Variants in IFNL2 observed in about 807,000 individuals in gnomAD.
IFNL2 encodes the protein interferon lambda 2.
IFNL2 carries 17 observed loss-of-function variants against 18.7 expected under a neutral mutation model. The observed-to-expected ratio is 0.91, with a 90% confidence interval of 0.62 to 1.36. IFNL2 has a LOEUF of 1.36. IFNL2 is among the 40% of genes most tolerant of loss of function. IFNL2 has a pLI of 0.00. For missense variants in IFNL2, 225 were observed against 257.3 expected (o/e 0.87, Z 0.86); for synonymous variants, 96 against 113.4 (o/e 0.85, Z 0.98).
rs577518793 is a variant in IFNL2, at chr19:39,269,815, A to C, written c.498A>C (p.Pro166=). The C allele has an allele frequency of 4.4e-6, 7 of 1,607,564 alleles. No homozygotes were observed. Among genetic ancestry groups the C allele is most frequent in the South Asian group, 3.3e-5 (3 of 89,770 alleles). The change falls in exon 5 of 6, where the codon CCA becomes CCC. Residue 166 remains proline, a synonymous_variant. Transcript: ENST00000331982. ...HHWLYRLQEA[P]KKESPGCLEA... is the part of the protein sequence containing the mutation. Reference sequence around the variant, plus strand: ...GGCTGTACCGGCTCCAGGAGGCCCCAAAAAAGGTGAGTGACCCGGGAAGAG... The same window carrying C: ...GGCTGTACCGGCTCCAGGAGGCCCCCAAAAAGGTGAGTGACCCGGGAAGAG...
Position 39,268,544 on chromosome 19 carries a change from T to C in IFNL2, c.-25T>C, listed in dbSNP as rs1204263738. ...GGTGACAGCCTCAGAGTGTTTCTTC[T>C]GCTGACAAAGACCAGAGATCAGGAA... On this transcript the variant is annotated 5_prime_UTR_variant, in exon 1 of 6. Transcript: ENST00000331982. 19 of 1,607,990 alleles carry C rather than the reference T, an allele frequency of 1.2e-5. No individual in the cohort carries two copies. The East Asian group carries it at 4.0e-4, about 34-fold the overall frequency.
At position 39,268,677 on chromosome 19, in the gene IFNL2, A is replaced by G. The variant is rs778693588; in HGVS notation, c.11A>G (p.Asp4Gly). 2 of 1,613,458 alleles carry G rather than the reference A, an allele frequency of 1.2e-6. No individual in the cohort carries two copies. Among genetic ancestry groups the G allele is most frequent in the South Asian group, 2.2e-5 (2 of 91,072 alleles). The change falls in exon 2 of 6, where the codon GAC (aspartate) becomes GGC (glycine). Residue 4 changes from aspartate (D) to glycine (G), a missense_variant and splice_region_variant. By Grantham distance (94) the Asp-to-Gly change is moderately conservative. Transcript: ENST00000331982. MKL[D>G]MTGDCTPVLV... ...AGCTCCCTTTCTCTCTGTGACACAG[A>G]CATGACTGGGGACTGCACGCCAGTG...
chr19:39,268,640 C>G (rs751910499), intron 1 of IFNL2, 37 bp from the exon 2 acceptor site: 22 of 1,613,786 alleles, frequency 1.4e-5, no homozygotes, highest in Non-Finnish European at 1.9e-5. Flanking sequence ...TGGGCAGCCT[C>G]TCCATCCCCT....
Position 39,268,447 on chromosome 19 carries a change from G to A in IFNL2, c.-122G>A. The A allele has an allele frequency of 2.3e-6, 2 of 875,760 alleles. No individual in the cohort carries two copies. Among genetic ancestry groups the A allele is most frequent in the South Asian group, 3.2e-5 (2 of 61,992 alleles). The allele number at this position is 875,760 out of a possible 1,614,324, so 54.2% of individuals were successfully genotyped here. On this transcript the variant is annotated 5_prime_UTR_variant, in exon 1 of 6. Transcript: ENST00000331982. ...AAACTGACAGAAAGAGTCAAAGCCA[G>A]GACACAGTCTGAGATCCAGAAGAGG...
rs759762461 is a variant in IFNL2, at chr19:39,269,169, G to A, written c.210G>A (p.Leu70=). The change falls in exon 3 of 6, where the codon CTG becomes CTA. Residue 70 remains leucine, a synonymous_variant. Coordinates refer to ENST00000331982, the MANE Select transcript of IFNL2 (RefSeq NM_172138.2). ...AKDALEESLL[L]KDCRCHSRLF... ...CTGTCTAGGAAGAGTCGCTTCTGCT[G>A]AAGGACTGCAGGTGCCACTCCCGCC... 1.6e-5 allele frequency: 26 copies of A among 1,611,552 alleles called. No homozygotes were observed. The highest frequency in any genetic ancestry group is 2.2e-5 in the Non-Finnish European group (26 of 1,179,008).
chr19:39,269,127 G>A (rs1206956929), intron 2 of IFNL2, 25 bp from the exon 3 acceptor site: 1 of 1,607,146 alleles, frequency 6.2e-7, no homozygotes, highest in Non-Finnish European at 8.5e-7. Context: ...TCCTGCTGGG[G>A]CTAACCTGTG....
At position 39,268,486 on chromosome 19, in the gene IFNL2, C is replaced by T; in HGVS notation, c.-83C>T. 1 of 1,270,844 alleles carries T rather than the reference C, an allele frequency of 7.9e-7. No homozygotes were observed. The highest frequency in any genetic ancestry group is 1.1e-6 in the Non-Finnish European group (1 of 893,840). The allele number at this position is 1,270,844 out of a possible 1,614,324, so 78.7% of individuals were successfully genotyped here. On this transcript the variant is annotated 5_prime_UTR_variant, in exon 1 of 6. Transcript: ENST00000331982. ...ATCCAGAAGAGGGGACTGAAAAGAACAGAGACTCCAGACAAGACCCAAACA... is the reference window on the plus strand; with the variant it reads ...ATCCAGAAGAGGGGACTGAAAAGAATAGAGACTCCAGACAAGACCCAAACA...
chr19:39,269,294 C>T (rs1013723361), intron 3 of IFNL2, 65 bp downstream of exon 3: 3 of 1,537,012 alleles, frequency 2.0e-6, no homozygotes, highest in African/African-American at 2.7e-5. Flanking sequence ...TGTAGTGGCC[C>T]CTTCACCGTC....
Position 39,268,671 on chromosome 19 carries a change from A to G in IFNL2, c.11-6A>G. The G allele has an allele frequency of 3.7e-6, 6 of 1,613,570 alleles. No individual in the cohort carries two copies. The highest frequency in any genetic ancestry group is 4.2e-6 in the Non-Finnish European group (5 of 1,179,836). On this transcript the variant is annotated splice_region_variant and splice_polypyrimidine_tract_variant and intron_variant, in intron 1 of 5. Transcript: ENST00000331982. ...CCCCTCAGCTCCCTTTCTCTCTGTGACACAGACATGACTGGGGACTGCACG... is the reference window on the plus strand; with the variant it reads ...CCCCTCAGCTCCCTTTCTCTCTGTGGCACAGACATGACTGGGGACTGCACG...
In IFNL2 at chr19:39,270,123, C is replaced by T; in HGVS notation, c.*110C>T. 1 of 1,203,484 alleles carries T rather than the reference C, an allele frequency of 8.3e-7. No individual in the cohort carries two copies. Among genetic ancestry groups the T allele is most frequent in the South Asian group, 1.5e-5 (1 of 68,596 alleles). 74.6% of individuals were successfully genotyped at this position (1,203,484 alleles called of 1,614,324 possible). A position where few individuals can be genotyped will look rare whatever the true frequency, so the allele number is the denominator to read the frequency against. On this transcript the variant is annotated 3_prime_UTR_variant, in exon 6 of 6. Coordinates refer to ENST00000331982, the MANE Select transcript of IFNL2 (RefSeq NM_172138.2). ...TATTTGTGTGTGTAAATCCAACTCA[C>T]CTCCAGGAAAATGTTTATTTTTCTA... is the stretch of plus-strand genomic sequence containing the variant.
At chr19:39,268,899 C>T (rs1380089838) in intron 2 of IFNL2, 41 bp downstream of exon 2, 1 of 1,590,376 alleles carries the variant, frequency 6.3e-7, no homozygotes, top group Non-Finnish European at 8.6e-7. Flanking sequence ...CTAGCCTCCA[C>T]CCCCACTCCA....
Position 39,268,595 on chromosome 19 carries a change from T to A in IFNL2, c.10+17T>A. On this transcript the variant is annotated intron_variant, in intron 1 of 5. Coordinates refer to ENST00000331982, the MANE Select transcript of IFNL2 (RefSeq NM_172138.2). The stretch of plus-strand genomic sequence containing the variant: ...TGAAACTAGGTGAGTCCCACATCTC[T>A]GTCCGTGCTCAGCTCCTGCAGCCCC... The A allele has an allele frequency of 6.2e-7, 1 of 1,613,602 alleles. No homozygotes were observed.
chr19:39,269,548 G>C lies in IFNL2; in HGVS notation c.331G>C (p.Ala111Pro). 6.2e-7 allele frequency: 1 copy of C among 1,614,198 alleles called. No individual in the cohort carries two copies. Among genetic ancestry groups the C allele is most frequent in the Non-Finnish European group, 8.5e-7 (1 of 1,180,042 alleles). Residue 111 changes from alanine to proline, a missense_variant, in exon 4 of 6, where the codon GCC (alanine) becomes CCC (proline). By Grantham distance (27) the Ala-to-Pro change is conservative. Transcript: ENST00000331982. ...ELALTLKVLE[A>P]TADTDPALVD... Reference sequence around the variant, plus strand: ...GGCCCTGACGCTGAAGGTTCTGGAGGCCACCGCTGACACTGACCCAGCCCT... The same window carrying C: ...GGCCCTGACGCTGAAGGTTCTGGAGCCCACCGCTGACACTGACCCAGCCCT...
Position 39,269,956 on chromosome 19 carries a change from C to G in IFNL2, c.546C>G (p.Leu182=), listed in dbSNP as rs1378782983. 1.2e-6 allele frequency: 2 copies of G among 1,603,754 alleles called. No homozygotes were observed. Among genetic ancestry groups the G allele is most frequent in the South Asian group, 1.1e-5 (1 of 89,048 alleles). ...TCGAGGCCTCTGTCACCTTCAACCT[C>G]TTCCGCCTCCTCACGCGAGACCTGA... The part of the protein sequence containing the change: ...GCLEASVTFN[L]FRLLTRDLNC... Residue 182 remains leucine, a synonymous_variant, in exon 6 of 6, where the codon CTC becomes CTG. Transcript: ENST00000331982.
intron 3 of IFNL2, 51 bp from the exon 4 acceptor site, chr19:39,269,437 A>G (rs773172753): frequency 1.9e-6 from 3 of 1,602,124 alleles, no homozygotes; most frequent in Non-Finnish European, 2.6e-6. Flanking sequence ...CTGCTCCCCA[A>G]CCTGTTCCCC....
In IFNL2 at chr19:39,270,111, A is replaced by G; in HGVS notation, c.*98A>G. On this transcript the variant is annotated 3_prime_UTR_variant, in exon 6 of 6. Transcript: ENST00000331982. ...TCGCTATTTATGTATTTGTGTGTGT[A>G]AATCCAACTCACCTCCAGGAAAATG... 2.3e-6 allele frequency: 3 copies of G among 1,309,888 alleles called. No individual in the cohort carries two copies. The South Asian group carries it at 4.0e-5, about 18-fold the overall frequency. The allele number at this position is 1,309,888 out of a possible 1,614,324, so 81.1% of individuals were successfully genotyped here. A position where few individuals can be genotyped will look rare whatever the true frequency, so the allele number is the denominator to read the frequency against.
chr19:39,269,302 G>C (rs1480654081), intron 3 of IFNL2, 73 bp downstream of exon 3: 4 of 1,522,936 alleles, frequency 2.6e-6, no homozygotes, highest in Non-Finnish European at 3.6e-6. Context: ...CCCCTTCACC[G>C]TCTCTTTCTC....
rs576832 is a variant in IFNL2, at chr19:39,268,642, C to G, written c.11-35C>G. ...CCCCTGCCCTCAGTGGGCAGCCTCT[C>G]CATCCCCTCAGCTCCCTTTCTCTCT... On this transcript the variant is annotated intron_variant, in intron 1 of 5. Transcript: ENST00000331982. 405 of 1,613,690 alleles carry G rather than the reference C, an allele frequency of 2.5e-4. 1 individual carries two copies. Among genetic ancestry groups the G allele is most frequent in the East Asian group, 4.5e-4 (20 of 44,872 alleles).
In IFNL2 at chr19:39,270,145, T is replaced by G. The variant is rs1367823163; in HGVS notation, c.*132T>G. On this transcript the variant is annotated 3_prime_UTR_variant, in exon 6 of 6. Transcript: ENST00000331982. The stretch of plus-strand genomic sequence containing the variant: ...TCACCTCCAGGAAAATGTTTATTTT[T>G]CTACTTTTTATAACCCTTGTTGAAA... The G allele has an allele frequency of 2.0e-5, 21 of 1,069,738 alleles. No homozygotes were observed. Among genetic ancestry groups the G allele is most frequent in the Non-Finnish European group, 2.7e-5 (20 of 741,648 alleles). 66.3% of individuals were successfully genotyped at this position (1,069,738 alleles called of 1,614,324 possible). A position where few individuals can be genotyped will look rare whatever the true frequency, so the allele number is the denominator to read the frequency against.
Sources: allele counts gnomAD v4.1 joint callset, GRCh38; gene constraint gnomAD v4.1.1; transcripts MANE v1.5; gene names NCBI Gene and HGNC (gene_info 2026-07-23, HGNC 2026-07-21).